The following SLC25A24 variants were observed in gnomAD, a reference collection of about 807,000 sequenced individuals.
SLC25A24 encodes the protein solute carrier family 25 member 24, also known as mitochondrial adenyl nucleotide antiporter SLC25A24.
Under a neutral mutation model 60.7 loss-of-function variants are expected in SLC25A24, and 49 were observed. The observed-to-expected ratio is 0.81, with a 90% CI of 0.64 to 1.02. SLC25A24 has a LOEUF of 1.02. SLC25A24 is among the 50% of genes least tolerant of loss of function. SLC25A24 has a pLI of 0.00. For synonymous variants in SLC25A24, 202 were observed against 200.6 expected (o/e 1.01, Z -0.06); for missense variants, 564 against 586.3 (o/e 0.96, Z 0.39).
At chr1:108,164,004 G>T (rs1312857284) in intron 3 of SLC25A24, among the ~76,000 whole-genome samples, 1 of 152,196 alleles carries the variant, frequency 6.6e-6, no homozygotes, top group Non-Finnish European at 1.5e-5. Flanking sequence ...AGCATGAAGT[G>T]TTGTTGAATT....
At chr1:108,147,346 C>T (rs1270286912) in intron 7 of SLC25A24, among the ~76,000 whole-genome samples, 1 of 152,058 alleles carries the variant, frequency 6.6e-6, no homozygotes, top group Non-Finnish European at 1.5e-5. Context: ...TTTTGTTAAA[C>T]TTTTCATAAA....
intron 3 of SLC25A24, among the ~76,000 whole-genome samples, chr1:108,171,675 T>A (rs886691717): frequency 1.3e-5 from 2 of 152,204 alleles, no homozygotes; most frequent in African/African-American, 2.4e-5. Context: ...CAGATACACA[T>A]GGTCTGTGCC....
rs533080662 is a variant in SLC25A24 at position 108,187,090 on chromosome 1, A to AAT, written c.184-1137_184-1136insAT. ...GAAACTCTATCTCAAAAAAAAAAAA[A>AAT]AATTAAAAAAATAATGCCACATTGT... On this transcript the variant is annotated intron_variant, in intron 1 of 9. Transcript: ENST00000565488. Among the ~76,000 whole-genome samples the AAT allele has an allele frequency of 4.9e-3, 739 of 151,726 alleles. 5 individuals are homozygous for AAT. The highest frequency in any genetic ancestry group is 0.016 in the African/African-American group (654 of 41,342).
At chr1:108,189,523 T>A (rs947465552) in intron 1 of SLC25A24, among the ~76,000 whole-genome samples, 6 of 152,116 alleles carry the variant, frequency 3.9e-5, no homozygotes, top group African/African-American at 1.2e-4. Context: ...CAAAAATATA[T>A]AGTCTATGGC....
chr1:108,165,961 C>T (rs1404298246), intron 3 of SLC25A24, among the ~76,000 whole-genome samples: 1 of 152,168 alleles, frequency 6.6e-6, no homozygotes, highest in Non-Finnish European at 1.5e-5. Flanking sequence ...TAAGCACTTC[C>T]TTCAGGAACT....
At position 108,135,817 on chromosome 1, in the gene SLC25A24, G is replaced by A. The variant is rs1679267075; in HGVS notation, c.*836C>T. On this transcript the variant is annotated 3_prime_UTR_variant, in exon 10 of 10. Coordinates refer to ENST00000565488, the MANE Select transcript of SLC25A24 (RefSeq NM_013386.5). Reference sequence around the variant, plus strand: ...AAGAATGGTCCCAAGAAGTCTTCCTGACTAAAACGGAATCTGATTCAAAAG... The same window carrying A: ...AAGAATGGTCCCAAGAAGTCTTCCTAACTAAAACGGAATCTGATTCAAAAG... 1 of 152,558 alleles carries A rather than the reference G, an allele frequency of 6.6e-6. No individual in the cohort carries two copies. The highest frequency in any genetic ancestry group is 2.4e-5 in the African/African-American group (1 of 41,436). 9.5% of individuals were successfully genotyped at this position (152,558 alleles called of 1,614,324 possible).
At chr1:108,183,958 T>C (rs1430386707) in intron 2 of SLC25A24, among the ~76,000 whole-genome samples, 2 of 152,186 alleles carry the variant, frequency 1.3e-5, no homozygotes, top group African/African-American at 4.8e-5. Flanking sequence ...GGATAAATTT[T>C]ATTGAGTAGG....
At chr1:108,170,553 G>A (rs1206370740) in intron 3 of SLC25A24, among the ~76,000 whole-genome samples, 1 of 152,048 alleles carries the variant, frequency 6.6e-6, no homozygotes, top group African/African-American at 2.4e-5. Context: ...GAAGAATTGT[G>A]TTAAAATCTC....
chr1:108,150,086 A>T (rs544303921), intron 6 of SLC25A24, among the ~76,000 whole-genome samples: 1 of 152,272 alleles, frequency 6.6e-6, no homozygotes, highest in South Asian at 2.1e-4. Flanking sequence ...AGATTGTCAA[A>T]ATCATTAAAC....
At chr1:108,176,719 T>C (rs1647685971) in intron 3 of SLC25A24, among the ~76,000 whole-genome samples, 1 of 151,994 alleles carries the variant, frequency 6.6e-6, no homozygotes, top group Admixed American at 6.6e-5. Flanking sequence ...GAGAAAGGGA[T>C]GATATATTTA....
rs372260277 is a variant in SLC25A24 at position 108,161,173 on chromosome 1, T to A, written c.510+9A>T. ...TCCAAATAAGTATAAATACATAAAG[T>A]AGACTTACTGTAGAATGTTTCCAGA... On this transcript the variant is annotated intron_variant, in intron 4 of 9. Coordinates refer to ENST00000565488, the MANE Select transcript of SLC25A24 (RefSeq NM_013386.5). 1.5e-5 allele frequency: 21 copies of A among 1,360,106 alleles called. No homozygotes were observed. The African/African-American group carries it at 2.7e-4, about 18-fold the overall frequency. The allele number at this position is 1,360,106 out of a possible 1,614,324, so 84.3% of individuals were successfully genotyped here.
chr1:108,160,045 G>A (rs1431884948), intron 4 of SLC25A24, among the ~76,000 whole-genome samples: 2 of 151,896 alleles, frequency 1.3e-5, no homozygotes, highest in Non-Finnish European at 2.9e-5. Context: ...GGGGCGGCCG[G>A]GCAGAGGCAC....
At chr1:108,160,678 G>A (rs1175518978) in intron 4 of SLC25A24, among the ~76,000 whole-genome samples, 2 of 152,254 alleles carry the variant, frequency 1.3e-5, no homozygotes, top group East Asian at 3.9e-4. Context: ...CTGAGTGAAC[G>A]AGACTCCGTC....
Position 108,161,260 on chromosome 1 carries a change from C to CCAGT in SLC25A24, c.428_431dup (p.Trp144Ter). 1 of 1,601,360 alleles carries CCAGT rather than the reference C, an allele frequency of 6.2e-7. No homozygotes were observed. The highest frequency in any genetic ancestry group is 8.6e-7 in the Non-Finnish European group (1 of 1,169,408). On this transcript the variant is annotated stop_gained and frameshift_variant, in exon 4 of 10. Transcript: ENST00000565488. LOFTEE classifies it high-confidence loss of function. ...ATAAGAAGTAGTCTCTCCATTCATT[C>CCAGT]CAGTCCACTGTCATTGTCCCATCAA...
chr1:108,185,801 G>A (rs1343836820), intron 2 of SLC25A24, 27 bp downstream of exon 2: 1 of 1,548,936 alleles, frequency 6.5e-7, no homozygotes, highest in African/African-American at 1.4e-5. Flanking sequence ...CTTCATAGCT[G>A]GTGATAAATA....
chr1:108,195,780 C>T (rs1455028127), intron 1 of SLC25A24, among the ~76,000 whole-genome samples: 2 of 152,152 alleles, frequency 1.3e-5, no homozygotes, highest in East Asian at 3.8e-4. Context: ...AGGCAGATCA[C>T]TAGAGGCCAG....
chr1:108,160,294 ACGCTCCT>A (rs1680031315), intron 4 of SLC25A24, among the ~76,000 whole-genome samples: 2 of 142,402 alleles, frequency 1.4e-5, no homozygotes, highest in South Asian at 2.3e-4. Flanking sequence ...CCGGGCAGAG[ACGCTCCT>A]CACTTCCTAG....
At chr1:108,168,029 G>A (rs1005706280) in intron 3 of SLC25A24, among the ~76,000 whole-genome samples, 6 of 152,098 alleles carry the variant, frequency 3.9e-5, no homozygotes, top group African/African-American at 7.2e-5. Context: ...CACAAAGAAG[G>A]TGCTCATTTA....
At chr1:108,190,616 A>T (rs1034752019) in intron 1 of SLC25A24, among the ~76,000 whole-genome samples, 4 of 152,008 alleles carry the variant, frequency 2.6e-5, no homozygotes, top group African/African-American at 9.7e-5. Context: ...AAAACAATAT[A>T]TTGTTCAAAA....
Sources: allele counts gnomAD v4.1 joint callset (sites outside exome capture counted in the v4.1 genomes callset), GRCh38; gene constraint gnomAD v4.1.1; transcripts MANE v1.5; gene names NCBI Gene and HGNC (gene_info 2026-07-23, HGNC 2026-07-21).